The following DLGAP1 variants were observed in gnomAD, a reference collection of about 807,000 sequenced individuals.
DLGAP1 encodes the protein DLG associated protein 1, also known as disks large-associated protein 1.
Under a neutral mutation model 90.8 loss-of-function variants are expected in DLGAP1, and 11 were observed. The ratio of observed to expected loss-of-function variants is 0.12; its 90% CI spans 0.08 to 0.20. The LOEUF (loss-of-function observed/expected upper bound fraction) is 0.20. Ranked by LOEUF, DLGAP1 falls within the 10% of genes least tolerant of loss-of-function variation. DLGAP1 has a pLI of 1.00. For synonymous variants in DLGAP1, 558 were observed against 540.7 expected (o/e 1.03, Z -0.44); for missense variants, 1,050 against 1,333.8 (o/e 0.79, Z 3.31).
At position 3,758,965 on chromosome 18, in the gene DLGAP1, T is replaced by A. The variant is rs73940221; in HGVS notation, c.1173-16453A>T. Among the ~76,000 whole-genome samples the A allele has an allele frequency of 3.3e-3, 499 of 152,244 alleles. 6 individuals carry two copies. The highest frequency in any genetic ancestry group is 0.012 in the African/African-American group (479 of 41,530). On this transcript the variant is annotated intron_variant, in intron 5 of 12. Coordinates refer to ENST00000315677, the MANE Select transcript of DLGAP1 (RefSeq NM_004746.4). The stretch of plus-strand genomic sequence containing the variant: ...CTATTTCACCAACCAATGTGCCCCA[T>A]CCGAAGATCTCAGTTTATACACAGG...
At chr18:4,080,585 T>A (rs369509086) in intron 2 of DLGAP1, among the ~76,000 whole-genome samples, 1 of 152,196 alleles carries the variant, frequency 6.6e-6, no homozygotes, top group South Asian at 2.1e-4. Context: ...AGGAAAAGAT[T>A]AACAGAGTCT....
In DLGAP1 at chr18:3,504,380, ATC is replaced by A. The variant is rs1331444564; in HGVS notation, c.2572-1737_2572-1736del. 2.6e-5 allele frequency among the ~76,000 whole-genome samples: 4 copies of A among 151,998 alleles called. No individual in the cohort carries two copies. The East Asian group carries it at 5.8e-4, about 22-fold the overall frequency. ...TTGGGAACTATAAATTTATAGATAT[ATC>A]TGTTTATTTATTTATTTTTGAGACA... is the stretch of plus-strand genomic sequence containing the variant. On this transcript the variant is annotated intron_variant, in intron 11 of 12. Coordinates refer to ENST00000315677, the MANE Select transcript of DLGAP1 (RefSeq NM_004746.4).
chr18:3,866,103 A>G (rs2070365484), intron 4 of DLGAP1, among the ~76,000 whole-genome samples: 1 of 152,212 alleles, frequency 6.6e-6, no homozygotes, highest in Admixed American at 6.5e-5. Context: ...TGTCTATCAG[A>G]GCTTAAAGCC....
chr18:3,933,321 G>C (rs1359602529), intron 3 of DLGAP1, among the ~76,000 whole-genome samples: 1 of 152,192 alleles, frequency 6.6e-6, no homozygotes, highest in African/African-American at 2.4e-5. Flanking sequence ...AATACATGCA[G>C]TGGGCTGAGA....
chr18:3,586,676 C>T (rs2055906530), intron 7 of DLGAP1, among the ~76,000 whole-genome samples: 1 of 152,132 alleles, frequency 6.6e-6, no homozygotes, highest in Non-Finnish European at 1.5e-5. Context: ...ACTCACACTT[C>T]CCCATAGTTC....
intron 5 of DLGAP1, among the ~76,000 whole-genome samples, chr18:3,811,156 G>A (rs755238285): frequency 1.1e-4 from 17 of 152,140 alleles, no homozygotes; most frequent in Non-Finnish European, 2.1e-4. Context: ...TGAAGATGAC[G>A]GAGGTTTAAT....
intron 1 of DLGAP1, among the ~76,000 whole-genome samples, chr18:4,304,492 C>T (rs1289672339): frequency 2.6e-5 from 4 of 152,186 alleles, no homozygotes; most frequent in Non-Finnish European, 5.9e-5. Flanking sequence ...CTAGCTGATT[C>T]TGTGAACACA....
intron 2 of DLGAP1, among the ~76,000 whole-genome samples, chr18:4,014,918 A>C (rs964862131): frequency 2.0e-5 from 3 of 152,046 alleles, no homozygotes; most frequent in Non-Finnish European, 4.4e-5. Context: ...AGTTCTAAAG[A>C]GTGTGTCGGT....
chr18:4,269,515 G>A (rs1437762828), intron 1 of DLGAP1, among the ~76,000 whole-genome samples: 4 of 151,512 alleles, frequency 2.6e-5, no homozygotes, highest in African/African-American at 4.8e-5. Flanking sequence ...CACCATGCGC[G>A]GCTAATTTTT....
At chr18:4,310,140 T>C (rs2080361742) in intron 1 of DLGAP1, among the ~76,000 whole-genome samples, 1 of 152,230 alleles carries the variant, frequency 6.6e-6, no homozygotes, top group African/African-American at 2.4e-5. Flanking sequence ...GAGATACTTC[T>C]GTGAAGGACT....
intron 2 of DLGAP1, among the ~76,000 whole-genome samples, chr18:4,114,290 T>C (rs975597976): frequency 2.0e-5 from 3 of 152,174 alleles, no homozygotes; most frequent in Non-Finnish European, 4.4e-5. Context: ...CAGTATTTTG[T>C]AGCTCTCCTT....
chr18:4,238,810 A>C (rs1225311016), intron 1 of DLGAP1, among the ~76,000 whole-genome samples: 1 of 152,228 alleles, frequency 6.6e-6, no homozygotes, highest in Non-Finnish European at 1.5e-5. Context: ...CTCCAAGAGT[A>C]ATCTGTGGAC....
chr18:3,930,838 C>T (rs1273160009), intron 3 of DLGAP1, among the ~76,000 whole-genome samples: 2 of 152,316 alleles, frequency 1.3e-5, no homozygotes, highest in Non-Finnish European at 2.9e-5. Context: ...AAAACAGCAA[C>T]GACCCACTAG....
intron 5 of DLGAP1, among the ~76,000 whole-genome samples, chr18:3,792,931 C>T (rs1206725889): frequency 2.0e-5 from 3 of 152,148 alleles, no homozygotes; most frequent in Non-Finnish European, 2.9e-5. Flanking sequence ...CCACCTGCGG[C>T]ACTGCTGGTG....
intron 2 of DLGAP1, among the ~76,000 whole-genome samples, chr18:4,091,923 C>T (rs2075778146): frequency 6.6e-6 from 1 of 151,316 alleles, no homozygotes; most frequent in Admixed American, 6.6e-5. Flanking sequence ...TTTTGTACAT[C>T]TCATAATTTT....
chr18:4,301,604 C>T (rs931748847), intron 1 of DLGAP1, among the ~76,000 whole-genome samples: 1 of 152,126 alleles, frequency 6.6e-6, no homozygotes, highest in Non-Finnish European at 1.5e-5. Context: ...GCAGTGAACA[C>T]GGATATGCAG....
At chr18:4,374,202 T>C (rs1350415741) in intron 1 of DLGAP1, among the ~76,000 whole-genome samples, 1 of 152,062 alleles carries the variant, frequency 6.6e-6, no homozygotes, top group Non-Finnish European at 1.5e-5. Flanking sequence ...TGACCACATA[T>C]CACTGTCTAG....
chr18:3,825,641 T>C lies in DLGAP1; in HGVS notation c.958-11368A>G, dbSNP rs140721107. ...CACAGATGCAGAACTGATGGATACA[T>C]AGAGAGGACTGTATCATGAAACAGG... is the stretch of plus-strand genomic sequence containing the variant. On this transcript the variant is annotated intron_variant, in intron 4 of 12. Transcript: ENST00000315677. Among the ~76,000 whole-genome samples the C allele has an allele frequency of 4.4e-3, 670 of 152,240 alleles. 11 individuals are homozygous for C. The highest frequency in any genetic ancestry group is 0.026 in the Admixed American group (390 of 15,288).
chr18:4,162,065 T>C (rs987521764), intron 1 of DLGAP1, among the ~76,000 whole-genome samples: 1 of 152,178 alleles, frequency 6.6e-6, no homozygotes, highest in African/African-American at 2.4e-5. Context: ...TGGTTACCTG[T>C]GCCAGACAAT....
Sources: allele counts gnomAD v4.1 joint callset (sites outside exome capture counted in the v4.1 genomes callset), GRCh38; gene constraint gnomAD v4.1.1; transcripts MANE v1.5; gene names NCBI Gene and HGNC (gene_info 2026-07-23, HGNC 2026-07-21).